The following CCAR1 variants were observed in gnomAD, a reference collection of about 807,000 sequenced individuals.
CCAR1 encodes cell division cycle and apoptosis regulator protein 1.
Under a neutral mutation model 163.8 loss-of-function variants are expected in CCAR1, and 78 were observed. The ratio of observed to expected loss-of-function variants is 0.48; its 90% CI spans 0.40 to 0.57. The LOEUF (loss-of-function observed/expected upper bound fraction) is 0.57. CCAR1 is among the 20% of genes least tolerant of loss of function. The pLI, the probability that CCAR1 is intolerant of heterozygous loss-of-function variation, is 0.00. For synonymous variants in CCAR1, 443 were observed against 460.7 expected (o/e 0.96, Z 0.49); for missense variants, 1,019 against 1,365.2 (o/e 0.75, Z 4.00).
In CCAR1 at chr10:68,781,624, C is replaced by A. The variant is rs137901303; in HGVS notation, c.2651-4512C>A. 2.8e-3 allele frequency among the ~76,000 whole-genome samples: 421 copies of A among 151,882 alleles called. 3 individuals carry two copies. The highest frequency in any genetic ancestry group is 9.5e-3 in the African/African-American group (393 of 41,442). On this transcript the variant is annotated intron_variant, in intron 19 of 24. Coordinates refer to ENST00000265872, the MANE Select transcript of CCAR1 (RefSeq NM_018237.4). ...TAATACCAGTACTTTGGGAGGATAA[C>A]GAGGTGGGATCACTTGAGGCTAGGA...
chr10:68,721,772 T>C (rs2133286198), intron 1 of CCAR1: 2 of 299,260 alleles, frequency 6.7e-6, no homozygotes, highest in Middle Eastern at 9.8e-4. Context: ...TGGAGGAAGA[T>C]GGACGGCCGA....
intron 16 of CCAR1, among the ~76,000 whole-genome samples, chr10:68,763,663 G>C (rs2056502573): frequency 6.6e-6 from 1 of 152,064 alleles, no homozygotes; most frequent in Non-Finnish European, 1.5e-5. Flanking sequence ...AGCCAGGCTG[G>C]TCTCAAACTC....
intron 2 of CCAR1, among the ~76,000 whole-genome samples, chr10:68,726,210 G>T (rs1454791742): frequency 6.7e-6 from 1 of 149,672 alleles, no homozygotes; most frequent in African/African-American, 2.5e-5. Flanking sequence ...GGAGTGCAGT[G>T]GCATGATCTT....
At chr10:68,727,527 G>A (rs996802180) in intron 2 of CCAR1, among the ~76,000 whole-genome samples, 1 of 152,086 alleles carries the variant, frequency 6.6e-6, no homozygotes, top group African/African-American at 2.4e-5. Context: ...TATCTTCAAA[G>A]AGTTTTAGAA....
intron 2 of CCAR1, among the ~76,000 whole-genome samples, chr10:68,726,242 C>T (rs2055944525): frequency 6.6e-6 from 1 of 151,352 alleles, no homozygotes; most frequent in South Asian, 2.1e-4. Flanking sequence ...AGCTCCACCT[C>T]CTGGGTTCAA....
At chr10:68,760,412 C>G (rs1036768902) in intron 15 of CCAR1, among the ~76,000 whole-genome samples, 7 of 152,004 alleles carry the variant, frequency 4.6e-5, no homozygotes, top group Non-Finnish European at 7.4e-5. Flanking sequence ...AGGATGTTTC[C>G]TTAGGGTAGA....
intron 2 of CCAR1, among the ~76,000 whole-genome samples, chr10:68,732,331 A>G (rs1564528966): frequency 6.6e-6 from 1 of 151,218 alleles, no homozygotes; most frequent in Non-Finnish European, 1.5e-5. Context: ...CTATTACCAG[A>G]ACAGTTTTGT....
At chr10:68,755,636 C>G (rs1313312439) in intron 13 of CCAR1, 100 bp downstream of exon 13, 12 of 944,658 alleles carry the variant, frequency 1.3e-5, no homozygotes, top group Non-Finnish European at 1.9e-5. Context: ...TTTAGCAACC[C>G]TGGTCAATGC....
rs778590121 is a variant in CCAR1 at position 68,742,520 on chromosome 10, C to A, written c.469C>A (p.Leu157Ile). 1 of 1,614,012 alleles carries A rather than the reference C, an allele frequency of 6.2e-7. No individual in the cohort carries two copies. The highest frequency in any genetic ancestry group is 1.3e-5 in the African/African-American group (1 of 74,926). The change falls in exon 6 of 25, where the codon CTA (leucine) becomes ATA (isoleucine). Residue 157 changes from leucine to isoleucine, a missense_variant. Coordinates refer to ENST00000265872, the MANE Select transcript of CCAR1 (RefSeq NM_018237.4). ...QRVFTGVVTKLHDTFGFVDED... is the reference protein window; with the variant it reads ...QRVFTGVVTKIHDTFGFVDED... ...TGTTTTCACAGGGGTGGTTACAAAA[C>A]TACATGATACGTTTGGATTTGTGGA...
chr10:68,732,826 T>C (rs1167711044), intron 2 of CCAR1, among the ~76,000 whole-genome samples: 1 of 152,144 alleles, frequency 6.6e-6, no homozygotes, highest in African/African-American at 2.4e-5. Flanking sequence ...CCGGGGATGC[T>C]GAGGCGAGAG....
chr10:68,771,925 C>T (rs974812460), intron 18 of CCAR1, among the ~76,000 whole-genome samples: 2 of 151,676 alleles, frequency 1.3e-5, no homozygotes, highest in African/African-American at 4.8e-5. Flanking sequence ...TGCTGAAGTG[C>T]AGTGGCGTAA....
chr10:68,788,434 A>G (rs984734079), intron 23 of CCAR1, 106 bp downstream of exon 23: 1 of 624,044 alleles, frequency 1.6e-6, no homozygotes, highest in Non-Finnish European at 2.5e-6. Context: ...ACATTTGCAT[A>G]TGCATACCAG....
intron 8 of CCAR1, among the ~76,000 whole-genome samples, chr10:68,747,790 A>G (rs1486843042): frequency 2.6e-5 from 4 of 152,154 alleles, no homozygotes; most frequent in Non-Finnish European, 5.9e-5. Context: ...AAAACTATTA[A>G]ATTACTTATT....
At chr10:68,757,224 CT>C in intron 14 of CCAR1, 69 bp from the exon 15 acceptor site, 1 of 862,072 alleles carries the variant, frequency 1.2e-6, no homozygotes, top group East Asian at 2.6e-5. Context: ...CAGCAACAGA[CT>C]TTTAAAAATA....
chr10:68,721,314 G>A (rs2055851346), intron 1 of CCAR1, 32 bp downstream of exon 1: 1 of 223,126 alleles, frequency 4.5e-6, no homozygotes, highest in African/African-American at 2.4e-5. Context: ...TTGGAGCAGT[G>A]GGCGGCCAAG....
In CCAR1 at chr10:68,754,025, A is replaced by G. The variant is rs1235124058; in HGVS notation, c.1292A>G (p.Lys431Arg). Reference sequence around the variant, plus strand: ...CACAGAGAAGTAGAGTCCTTAGAAAAAAATATGGCCATTCTTGATCCACCA... The same window carrying G: ...CACAGAGAAGTAGAGTCCTTAGAAAGAAATATGGCCATTCTTGATCCACCA... ...VMHREVESLE[K>R]NMAILDPPDA... Residue 431 changes from lysine to arginine, a missense_variant, in exon 11 of 25, where the codon AAA becomes AGA. Coordinates refer to ENST00000265872, the MANE Select transcript of CCAR1 (RefSeq NM_018237.4). The G allele has an allele frequency of 1.9e-6, 3 of 1,613,950 alleles. No homozygotes were observed. The highest frequency in any genetic ancestry group is 2.7e-5 in the African/African-American group (2 of 74,920).
rs756002883 is a variant in CCAR1 at position 68,791,258 on chromosome 10, A to G, written c.3445A>G (p.Ser1149Gly). ...KDQKSKENGA[S>G]V ...TCAAAAATCCAAGGAGAATGGTGCC[A>G]GTGTATGATAAAATCCATGTAGTGA... Residue 1149 changes from serine to glycine, a missense_variant, in exon 25 of 25, where the codon AGT becomes GGT. By Grantham distance (56) the Ser-to-Gly change is moderately conservative (BLOSUM62 0). Transcript: ENST00000265872. The G allele has an allele frequency of 1.9e-6, 3 of 1,596,086 alleles. No individual in the cohort carries two copies. The highest frequency in any genetic ancestry group is 1.1e-5 in the South Asian group (1 of 89,858).
Position 68,771,289 on chromosome 10 carries a change from T to G in CCAR1, c.2382T>G (p.Pro794=). The change falls in exon 18 of 25, where the codon CCT becomes CCG. Residue 794 remains proline (P), a synonymous_variant. Coordinates refer to ENST00000265872, the MANE Select transcript of CCAR1 (RefSeq NM_018237.4). ...TATACAAATCATTACTGTCTCTTCC[T>G]GAGAAAGAGGACAAAAAAGAAAAGG... ...VRIYKSLLSL[P]EKEDKKEKDK... is the part of the protein sequence containing the mutation. 1 of 1,606,006 alleles carries G rather than the reference T, an allele frequency of 6.2e-7. No homozygotes were observed. Among genetic ancestry groups the G allele is most frequent in the South Asian group, 1.1e-5 (1 of 89,368 alleles).
chr10:68,766,700 A>G (rs2056539892), intron 17 of CCAR1, among the ~76,000 whole-genome samples: 1 of 149,868 alleles, frequency 6.7e-6, no homozygotes, highest in African/African-American at 2.5e-5. Context: ...CTAATTTTGT[A>G]TTTTTAGTAG....
Sources: allele counts gnomAD v4.1 joint callset (sites outside exome capture counted in the v4.1 genomes callset), GRCh38; gene constraint gnomAD v4.1.1; transcripts MANE v1.5; gene names NCBI Gene and HGNC (gene_info 2026-07-23, HGNC 2026-07-21).